KIF27: variants seen among roughly 807,000 people sequenced by gnomAD.
KIF27 encodes the protein kinesin-like protein KIF27.
A neutral mutation model predicts 141.8 loss-of-function variants in KIF27; 84 were observed. That is an observed-to-expected ratio of 0.59 (90% CI 0.50 to 0.71). KIF27 has a LOEUF of 0.71. Among genes scored for constraint, KIF27 ranks in the 30% least tolerant of loss-of-function variants. KIF27 has a pLI of 0.00. For synonymous variants in KIF27, 471 were observed against 569.5 expected (o/e 0.83, Z 2.46); for missense variants, 1,306 against 1,628.4 (o/e 0.80, Z 3.41).
At chr9:83,838,199 G>A (rs1800825089) in intron 17 of KIF27, among the ~76,000 whole-genome samples, 1 of 152,004 alleles carries the variant, frequency 6.6e-6, no homozygotes, top group Non-Finnish European at 1.5e-5. Context: ...ATTGATGCAT[G>A]CTTAGTACAC....
intron 14 of KIF27, among the ~76,000 whole-genome samples, 167 bp from the exon 15 acceptor site, chr9:83,854,002 T>G (rs1948904734): frequency 6.6e-6 from 1 of 152,230 alleles, no homozygotes; most frequent in South Asian, 2.1e-4. Flanking sequence ...ATGCAGTGTG[T>G]GTATACATGT....
At chr9:83,846,942 C>T (rs746530226) in intron 16 of KIF27, among the ~76,000 whole-genome samples, 6 of 152,146 alleles carry the variant, frequency 3.9e-5, no homozygotes, top group Non-Finnish European at 8.8e-5. Flanking sequence ...AAGATGAAAT[C>T]AGTCTACTAC....
chr9:83,897,324 G>T (rs181129231), intron 5 of KIF27, among the ~76,000 whole-genome samples: 2 of 152,186 alleles, frequency 1.3e-5, no homozygotes, highest in Non-Finnish European at 2.9e-5. Context: ...ATGCACAAAT[G>T]GACCTTGATT....
chr9:83,903,321 C>G lies in KIF27; in HGVS notation c.1197G>C (p.Glu399Asp). 2.5e-6 allele frequency: 4 copies of G among 1,614,092 alleles called. No individual in the cohort carries two copies. Among genetic ancestry groups the G allele is most frequent in the Non-Finnish European group, 3.4e-6 (4 of 1,180,034 alleles). Residue 399 changes from glutamate to aspartate, a missense_variant, in exon 4 of 18, where the codon GAG becomes GAC. Physicochemically the swap from Glu to Asp is conservative, Grantham distance 45. Transcript: ENST00000297814. ...ATTCTCCTTGAAGCTGAGCTACTTG[C>G]TCCTCAAGAGAATGAATCCTATTTG... ...PDTNRIHSLEEQVAQLQGECL... is the reference protein window; with the variant it reads ...PDTNRIHSLEDQVAQLQGECL...
rs1946657386 is a variant in KIF27, at chr9:83,842,223, A to G, written c.3721+14T>C. On this transcript the variant is annotated intron_variant, in intron 17 of 17. Coordinates refer to ENST00000297814, the MANE Select transcript of KIF27 (RefSeq NM_017576.4). ...GAGAAACAGTGTTAAGAGTGACAAC[A>G]CTAAAAGTCTTACACTCTGATGGTG... 6.6e-7 allele frequency: 1 copy of G among 1,526,158 alleles called. No homozygotes were observed. The highest frequency in any genetic ancestry group is 8.7e-7 in the Non-Finnish European group (1 of 1,146,468). 94.5% of individuals were successfully genotyped at this position (1,526,158 alleles called of 1,614,324 possible).
chr9:83,908,683 G>T lies in KIF27; in HGVS notation c.299-31C>A, dbSNP rs192355619. 5.6e-4 allele frequency: 793 copies of T among 1,426,498 alleles called. 4 individuals are homozygous for T. In the African/African-American group the frequency reaches 9.5e-3, roughly 17 times the overall value. 88.4% of individuals were successfully genotyped at this position (1,426,498 alleles called of 1,614,324 possible). ...AATTTAGAAAAAGAAAGCACATCTG[G>T]AACTTAAAACAAAAGCAAAGCTACA... On this transcript the variant is annotated intron_variant, in intron 2 of 17. Coordinates refer to ENST00000297814, the MANE Select transcript of KIF27 (RefSeq NM_017576.4).
intron 11 of KIF27, among the ~76,000 whole-genome samples, chr9:83,874,222 C>G (rs1198694899): frequency 6.6e-6 from 1 of 152,140 alleles, no homozygotes; most frequent in Non-Finnish European, 1.5e-5. Flanking sequence ...GCCCTCACAA[C>G]AATCCTATGA....
At chr9:83,884,041 A>G in intron 9 of KIF27, 23 bp from the exon 10 acceptor site, 2 of 1,429,090 alleles carry the variant, frequency 1.4e-6, no homozygotes, top group Non-Finnish European at 1.9e-6. Flanking sequence ...AATAATTATT[A>G]TTAGTATAAA....
rs1945682295 is a variant in KIF27, at chr9:83,835,133, A to C, written c.*1868T>G. On this transcript the variant is annotated 3_prime_UTR_variant, in exon 18 of 18. Transcript: ENST00000297814. ...TTGTTTTACTTATGGAAATACAAAC[A>C]CATTTCCTTATATACTTGTATATGT... Among the ~76,000 whole-genome samples, 1 of 150,072 alleles carries C rather than the reference A, an allele frequency of 6.7e-6. No individual in the cohort carries two copies. The highest frequency in any genetic ancestry group is 2.1e-4 in the South Asian group (1 of 4,820).
At chr9:83,844,311 G>GATATAGATATATAGATAGCTATATTT (rs1554761831) in intron 16 of KIF27, among the ~76,000 whole-genome samples, 4 of 143,594 alleles carry the variant, frequency 2.8e-5, no homozygotes, top group African/African-American at 1.1e-4. Flanking sequence ...TATAGAGAGA[G>GATATAGATATATAGATAGCTATATTT]ATATAGATAT....
intron 13 of KIF27, among the ~76,000 whole-genome samples, chr9:83,861,211 G>C (rs1949873320): frequency 6.6e-6 from 1 of 151,318 alleles, no homozygotes; most frequent in Non-Finnish European, 1.5e-5. Flanking sequence ...TTAAGTTCTA[G>C]GGTACATGTG....
At chr9:83,874,827 G>C (rs1328752467) in intron 11 of KIF27, among the ~76,000 whole-genome samples, 1 of 151,790 alleles carries the variant, frequency 6.6e-6, no homozygotes, top group Non-Finnish European at 1.5e-5. Context: ...CTAGCTACTT[G>C]GGAGGCTGAG....
At chr9:83,915,260 C>T (rs1192338135) in intron 2 of KIF27, 34 bp downstream of exon 2, 6 of 1,543,740 alleles carry the variant, frequency 3.9e-6, no homozygotes, top group Non-Finnish European at 5.2e-6. Flanking sequence ...TTTCTAGCGT[C>T]ACAAATAAAA....
At chr9:83,889,643 G>C (rs1048468938) in intron 6 of KIF27, among the ~76,000 whole-genome samples, 1 of 151,448 alleles carries the variant, frequency 6.6e-6, no homozygotes, top group African/African-American at 2.4e-5. Flanking sequence ...CTGTGGTGCT[G>C]CCGCCAAAGG....
chr9:83,894,073 G>A (rs1952936745), intron 5 of KIF27, among the ~76,000 whole-genome samples: 1 of 152,128 alleles, frequency 6.6e-6, no homozygotes, highest in African/African-American at 2.4e-5. Context: ...TATCAAAACT[G>A]GAGGAAAAGA....
intron 13 of KIF27, chr9:83,860,020 A>G (rs1201049936): frequency 1.3e-5 from 2 of 152,196 alleles, no homozygotes; most frequent in African/African-American, 2.4e-5. Flanking sequence ...TTATGTTACA[A>G]TTTACTAGGG....
At chr9:83,875,120 C>G (rs1951108938) in intron 11 of KIF27, among the ~76,000 whole-genome samples, 3 of 151,960 alleles carry the variant, frequency 2.0e-5, no homozygotes. Context: ...GAGTTAAAAC[C>G]CAAAGACCAC....
At chr9:83,921,303 G>A (rs1335031131) in intron 1 of KIF27, 68 bp downstream of exon 1, 3 of 149,852 alleles carry the variant, frequency 2.0e-5, no homozygotes, top group African/African-American at 4.9e-5. Flanking sequence ...GCGGGCTGGA[G>A]GGCGGGCACC....
At chr9:83,843,769 A>G in intron 16 of KIF27, among the ~76,000 whole-genome samples, 1 of 152,148 alleles carries the variant, frequency 6.6e-6, no homozygotes, top group Non-Finnish European at 1.5e-5. Context: ...TGCCCAGGGT[A>G]GAGTGTGTAG....
Sources: allele counts gnomAD v4.1 joint callset (sites outside exome capture counted in the v4.1 genomes callset), GRCh38; gene constraint gnomAD v4.1.1; transcripts MANE v1.5; gene names NCBI Gene and HGNC (gene_info 2026-07-23, HGNC 2026-07-21).